AGBL5: variants seen among roughly 807,000 people sequenced by gnomAD.
The protein encoded by AGBL5 is cytosolic carboxypeptidase-like protein 5.
Under a neutral mutation model 88.0 loss-of-function variants are expected in AGBL5, and 51 were observed. The ratio of observed to expected loss-of-function variants is 0.58; its 90% CI spans 0.46 to 0.73. The LOEUF is 0.73. AGBL5 is among the 30% of genes least tolerant of loss of function. The pLI is 0.00. For missense variants in AGBL5, 1,031 were observed against 1,162.2 expected, an observed-to-expected ratio of 0.89 and a Z score of 1.64; for synonymous variants, 446 against 438.8, an observed-to-expected ratio of 1.02 and a Z score of -0.21.
rs1668361759 is a variant in AGBL5, at chr2:27,055,077, ATTC to A, written c.738_740del (p.Phe246del). Reference sequence around the variant, plus strand: ...GTCTGCTCTCCTCTCTACCTCAGATATTCTTCTTAAGCAGTAGAGTACACCCAG... The same window carrying A: ...GTCTGCTCTCCTCTCTACCTCAGATATTCTTAAGCAGTAGAGTACACCCAG... On this transcript the variant is annotated inframe_deletion, in exon 6 of 15. Transcript: ENST00000360131. 7 of 1,613,754 alleles carry A rather than the reference ATTC, an allele frequency of 4.3e-6. No individual in the cohort carries two copies. The highest frequency in any genetic ancestry group is 5.1e-6 in the Non-Finnish European group (6 of 1,179,638).
At chr2:27,058,703 G>T in intron 10 of AGBL5, 101 bp downstream of exon 10, 1 of 1,281,466 alleles carries the variant, frequency 7.8e-7, no homozygotes, top group East Asian at 2.5e-5. Flanking sequence ...CCTCCTCAAA[G>T]TGCCAAATGG....
intron 11 of AGBL5, among the ~76,000 whole-genome samples, chr2:27,066,076 T>C (rs1392982833): frequency 1.3e-5 from 2 of 151,978 alleles, no homozygotes; most frequent in African/African-American, 2.4e-5. Flanking sequence ...CTGGGCAACA[T>C]GGTGAGACTC....
intron 13 of AGBL5, chr2:27,069,310 TTA>T: frequency 1.0e-5 from 10 of 985,408 alleles, no homozygotes; most frequent in Non-Finnish European, 1.2e-5. Flanking sequence ...CACCCAGACC[TTA>T]GTCATGGTGT....
chr2:27,069,136 C>T (rs766422912), intron 13 of AGBL5: 5 of 1,338,812 alleles, frequency 3.7e-6, no homozygotes, highest in Non-Finnish European at 4.9e-6. Flanking sequence ...GCCCTGCCAC[C>T]AACTCCGATT....
upstream of AGBL5, among the ~76,000 whole-genome samples, chr2:27,050,847 C>T (rs762760925): frequency 1.3e-5 from 2 of 152,222 alleles, no homozygotes; most frequent in Non-Finnish European, 2.9e-5. Context: ...CCTTAGGTCG[C>T]TGGTTCGATT....
At chr2:27,062,650 C>T (rs763985102) in intron 11 of AGBL5, 1 of 152,226 alleles carries the variant, frequency 6.6e-6, no homozygotes, top group Non-Finnish European at 1.5e-5. Context: ...CGCACAAACA[C>T]TGTAAACATC....
At chr2:27,050,540 G>A (rs1265588464), upstream of AGBL5, among the ~76,000 whole-genome samples, 1 of 152,272 alleles carries the variant, frequency 6.6e-6, no homozygotes, top group African/African-American at 2.4e-5. Flanking sequence ...GCGGGGTGTT[G>A]GGAACATTTT....
chr2:27,050,866 A>C (rs951020101), upstream of AGBL5: 2 of 152,222 alleles, frequency 1.3e-5, no homozygotes, highest in Non-Finnish European at 2.9e-5. Context: ...TTCCGGCTCG[A>C]AGGACTTCGT....
At chr2:27,054,367 C>G in intron 4 of AGBL5, 1 of 553,638 alleles carries the variant, frequency 1.8e-6, no homozygotes, top group East Asian at 3.0e-5. Flanking sequence ...TCTGCCCCCA[C>G]GGAGAACAAC....
Position 27,070,157 on chromosome 2 carries a change from TA to T in AGBL5, c.2556del (p.Ser853LeufsTer28). On this transcript the variant is annotated frameshift_variant, in exon 15 of 15. Transcript: ENST00000360131. LOFTEE classifies it high-confidence loss of function. ...APAFSPISCS[L>X]SDSPSWNCYS... ...GCCTTTTCTCCTATATCCTGTAGTC[TA>T]TCTGACTCCCCATCCTGGAATTGTT... The T allele has an allele frequency of 6.2e-7, 1 of 1,614,174 alleles. No individual in the cohort carries two copies. Among genetic ancestry groups the T allele is most frequent in the Non-Finnish European group, 8.5e-7 (1 of 1,180,020 alleles).
chr2:27,055,589 G>T, intron 6 of AGBL5, 93 bp from the exon 7 acceptor site: 1 of 1,170,780 alleles, frequency 8.5e-7, no homozygotes, highest in South Asian at 1.5e-5. Context: ...CATTTGATAA[G>T]TCAGTCTCCT....
At chr2:27,058,248 C>T in intron 9 of AGBL5, 152 bp from the exon 10 acceptor site, 1 of 862,788 alleles carries the variant, frequency 1.2e-6, no homozygotes, top group Non-Finnish European at 1.8e-6. Flanking sequence ...AATCCGTTTG[C>T]AATAAACAGC....
chr2:27,064,793 C>T (rs1325093008), intron 11 of AGBL5, among the ~76,000 whole-genome samples: 6 of 125,338 alleles, frequency 4.8e-5, no homozygotes, highest in East Asian at 2.9e-4. Context: ...CTCACTCTGT[C>T]GCCCAGGCTG....
upstream of AGBL5, among the ~76,000 whole-genome samples, chr2:27,050,716 G>C (rs1054057584): frequency 1.3e-5 from 2 of 152,224 alleles, no homozygotes; most frequent in African/African-American, 2.4e-5. Context: ...AGAAAGCGGG[G>C]GTCATGGCTG....
chr2:27,057,761 T>G (rs1668512620), intron 9 of AGBL5, among the ~76,000 whole-genome samples: 1 of 152,206 alleles, frequency 6.6e-6, no homozygotes, highest in South Asian at 2.1e-4. Context: ...TGTAGTGGTC[T>G]TGATGATTCC....
chr2:27,054,367 C>T (rs941147082), intron 4 of AGBL5: 9 of 553,522 alleles, frequency 1.6e-5, no homozygotes, highest in East Asian at 8.9e-5. Flanking sequence ...TCTGCCCCCA[C>T]GGAGAACAAC....
At chr2:27,054,241 A>G (rs1200299781) in intron 4 of AGBL5, 182 bp downstream of exon 4, 2 of 693,668 alleles carry the variant, frequency 2.9e-6, no homozygotes, top group Non-Finnish European at 4.5e-6. Flanking sequence ...TGATCTCAGC[A>G]TATCGACACC....
intron 11 of AGBL5, chr2:27,062,436 T>A (rs1282233643): frequency 1.3e-5 from 2 of 152,248 alleles, no homozygotes; most frequent in Non-Finnish European, 2.9e-5. Context: ...AGGCACTTTT[T>A]AATCACTATT....
chr2:27,068,823 A>C, intron 13 of AGBL5, 79 bp downstream of exon 13: 1 of 1,576,040 alleles, frequency 6.3e-7, no homozygotes, highest in Non-Finnish European at 8.6e-7. Flanking sequence ...TGGGAGGGAA[A>C]ATGCTCAGCA....
Sources: allele counts gnomAD v4.1 joint callset (sites outside exome capture counted in the v4.1 genomes callset), GRCh38; gene constraint gnomAD v4.1.1; transcripts MANE v1.5; gene names NCBI Gene and HGNC (gene_info 2026-07-23, HGNC 2026-07-21).